Variants in TACR1 observed in about 807,000 individuals in gnomAD.
The protein encoded by TACR1 is substance-P receptor.
A neutral mutation model predicts 35.8 loss-of-function variants in TACR1; 25 were observed. The ratio of observed to expected loss-of-function variants is 0.70; its 90% CI spans 0.51 to 0.98. TACR1 has a LOEUF of 0.98. TACR1 is among the 50% of genes least tolerant of loss of function. The pLI, the probability that TACR1 is intolerant of heterozygous loss-of-function variation, is 0.00. For missense variants in TACR1, 478 were observed against 522.9 expected (o/e 0.91, Z 0.84); for synonymous variants, 195 against 206.7 (o/e 0.94, Z 0.48).
intron 1 of TACR1, among the ~76,000 whole-genome samples, chr2:75,161,871 A>C (rs1346201756): frequency 6.6e-6 from 1 of 152,136 alleles, no homozygotes; most frequent in Non-Finnish European, 1.5e-5. Flanking sequence ...AATATGGCTT[A>C]TGGATATTGA....
chr2:75,110,902 T>C (rs936873599), intron 2 of TACR1, among the ~76,000 whole-genome samples: 1 of 152,028 alleles, frequency 6.6e-6, no homozygotes, highest in South Asian at 2.1e-4. Context: ...CAAACTATGC[T>C]CCTGAAAACA....
intron 2 of TACR1, among the ~76,000 whole-genome samples, chr2:75,092,342 C>T (rs964640815): frequency 6.6e-6 from 1 of 152,070 alleles, no homozygotes; most frequent in Non-Finnish European, 1.5e-5. Flanking sequence ...ACTCATGACC[C>T]TTAATGCATT....
chr2:75,054,192 A>G (rs1368284757), intron 2 of TACR1, among the ~76,000 whole-genome samples: 1 of 152,162 alleles, frequency 6.6e-6, no homozygotes, highest in Non-Finnish European at 1.5e-5. Context: ...ATACCACTCA[A>G]TTCATACCCG....
chr2:75,092,441 C>G (rs1303949222), intron 2 of TACR1, among the ~76,000 whole-genome samples: 1 of 152,096 alleles, frequency 6.6e-6, no homozygotes, highest in Non-Finnish European at 1.5e-5. Flanking sequence ...ATTTTATTTC[C>G]TTGTACATTA....
chr2:75,117,084 TAAC>T (rs920620301), intron 2 of TACR1, among the ~76,000 whole-genome samples: 21 of 152,092 alleles, frequency 1.4e-4, no homozygotes, highest in Admixed American at 5.2e-4. Context: ...ATTTCACTGG[TAAC>T]AAATGAAGTT....
chr2:75,101,175 A>G (rs1673528111), intron 2 of TACR1, among the ~76,000 whole-genome samples: 2 of 152,196 alleles, frequency 1.3e-5, no homozygotes, highest in African/African-American at 4.8e-5. Flanking sequence ...AGATAAGAAT[A>G]TAATAGAAAT....
At chr2:75,087,654 GTCAGTGACTCCCC>G (rs1673214555) in intron 2 of TACR1, among the ~76,000 whole-genome samples, 1 of 152,162 alleles carries the variant, frequency 6.6e-6, no homozygotes, top group South Asian at 2.1e-4. Context: ...TCTCCACATT[GTCAGTGACTCCCC>G]TCACCTCTTG....
chr2:75,195,583 A>G (rs1250443709), intron 1 of TACR1, among the ~76,000 whole-genome samples: 2 of 152,244 alleles, frequency 1.3e-5, no homozygotes, highest in Admixed American at 1.3e-4. Context: ...TCCTTTAAAA[A>G]TCCTTTAAAA....
intron 1 of TACR1, among the ~76,000 whole-genome samples, chr2:75,170,427 T>C (rs532768155): frequency 2.2e-4 from 34 of 152,246 alleles, no homozygotes; most frequent in Non-Finnish European, 4.3e-4. Context: ...ATCCTGAGTA[T>C]GTCTTTATTA....
At chr2:75,127,381 ATTG>A (rs1474357270) in intron 1 of TACR1, among the ~76,000 whole-genome samples, 1 of 152,152 alleles carries the variant, frequency 6.6e-6, no homozygotes, top group Non-Finnish European at 1.5e-5. Context: ...TTAATTAATT[ATTG>A]TTTATTAATA....
At chr2:75,154,404 G>GCACACA (rs1553380917) in intron 1 of TACR1, 1 of 84,422 alleles carries the variant, frequency 1.2e-5, no homozygotes, top group African/African-American at 5.3e-5. Flanking sequence ...AGCCAAGAGC[G>GCACACA]CGCACGCACA....
At chr2:75,074,765 T>C (rs1672947839) in intron 2 of TACR1, among the ~76,000 whole-genome samples, 1 of 152,000 alleles carries the variant, frequency 6.6e-6, no homozygotes, top group Non-Finnish European at 1.5e-5. Flanking sequence ...GCAGTTGTGT[T>C]TGGGTTGTGT....
intron 1 of TACR1, among the ~76,000 whole-genome samples, chr2:75,184,721 T>A (rs1675646511): frequency 6.6e-6 from 1 of 151,332 alleles, no homozygotes; most frequent in Non-Finnish European, 1.5e-5. Flanking sequence ...ATAATTTATA[T>A]ACAACATATG....
chr2:75,091,946 A>G (rs1219704524), intron 2 of TACR1, among the ~76,000 whole-genome samples: 1 of 152,256 alleles, frequency 6.6e-6, no homozygotes, highest in Admixed American at 6.5e-5. Context: ...GTTTACAAAC[A>G]GTCTTCATCT....
At chr2:75,188,210 AGGGT>A (rs1360204399) in intron 1 of TACR1, 1 of 152,170 alleles carries the variant, frequency 6.6e-6, no homozygotes, top group Non-Finnish European at 1.5e-5. Flanking sequence ...AGTTGTTTGT[AGGGT>A]TTTCTTTTGT....
chr2:75,114,298 A>G (rs962400882), intron 2 of TACR1, among the ~76,000 whole-genome samples: 2 of 152,224 alleles, frequency 1.3e-5, no homozygotes, highest in Admixed American at 1.3e-4. Context: ...TTATCAGAAA[A>G]TGACATATGA....
intron 2 of TACR1, among the ~76,000 whole-genome samples, chr2:75,087,146 A>G (rs776616624): frequency 1.3e-5 from 2 of 152,242 alleles, no homozygotes; most frequent in Admixed American, 1.3e-4. Context: ...AACATGTTGA[A>G]ATGATACTAC....
chr2:75,155,362 CCT>C (rs1674819625), intron 1 of TACR1, among the ~76,000 whole-genome samples: 3 of 152,050 alleles, frequency 2.0e-5, no homozygotes, highest in Non-Finnish European at 4.4e-5. Context: ...CATCTTTCTG[CCT>C]CTCTTCTCCT....
chr2:75,187,790 G>A (rs1424695120), intron 1 of TACR1: 1 of 152,148 alleles, frequency 6.6e-6, no homozygotes, highest in East Asian at 1.9e-4. Context: ...CATTATTGGA[G>A]GGAAACCAAC....
Sources: gnomAD v4.1 joint callset for allele counts (sites outside exome capture counted in the v4.1 genomes callset) on GRCh38, gnomAD v4.1.1 for gene constraint, MANE v1.5 for transcripts, NCBI Gene and HGNC (gene_info 2026-07-23, HGNC 2026-07-21) for gene names.